The following JPH1 variants were observed in gnomAD, a reference collection of about 807,000 sequenced individuals.
The protein encoded by JPH1 is junctophilin-1.
A neutral mutation model predicts 53.6 loss-of-function variants in JPH1; 12 were observed. That is an observed-to-expected ratio of 0.22 (90% CI 0.14 to 0.36). The LOEUF is 0.36. Ranked by LOEUF, JPH1 falls within the 10% of genes least tolerant of loss-of-function variation. The probability of loss-of-function intolerance (pLI) is 1.00; values close to 1 mark genes in which losing one functional copy is unlikely to be tolerated. For missense variants in JPH1, 808 were observed against 905.5 expected (o/e 0.89, Z 1.38); for synonymous variants, 375 against 363.8 (o/e 1.03, Z -0.35).
intron 2 of JPH1, among the ~76,000 whole-genome samples, chr8:74,292,423 T>C (rs1362213246): frequency 6.6e-6 from 1 of 152,208 alleles, no homozygotes; most frequent in Non-Finnish European, 1.5e-5. Flanking sequence ...GAACTGCCAC[T>C]AATACACACT....
chr8:74,262,385 G>A (rs925587977), intron 2 of JPH1, among the ~76,000 whole-genome samples: 1 of 152,164 alleles, frequency 6.6e-6, no homozygotes, highest in Non-Finnish European at 1.5e-5. Flanking sequence ...AGTCAATTGC[G>A]ATTGTTCTTG....
intron 2 of JPH1, among the ~76,000 whole-genome samples, chr8:74,278,243 CTCTG>C (rs767550495): frequency 3.9e-5 from 6 of 151,996 alleles, no homozygotes; most frequent in Non-Finnish European, 8.8e-5. Context: ...CCTGCACAAG[CTCTG>C]TCTCTTTGTC....
intron 2 of JPH1, among the ~76,000 whole-genome samples, chr8:74,296,713 G>C (rs1807531922): frequency 6.6e-6 from 1 of 152,050 alleles, no homozygotes; most frequent in African/African-American, 2.4e-5. Context: ...TTTCTACCAA[G>C]AAATCCCTCT....
At chr8:74,269,675 C>A (rs1469057554) in intron 2 of JPH1, among the ~76,000 whole-genome samples, 1 of 152,238 alleles carries the variant, frequency 6.6e-6, no homozygotes, top group Non-Finnish European at 1.5e-5. Flanking sequence ...TGAGAGTCCA[C>A]ATGATCCCTC....
intron 5 of JPH1, 47 bp downstream of exon 5, chr8:74,237,161 G>A: frequency 8.0e-7 from 1 of 1,250,220 alleles, no homozygotes; most frequent in African/African-American, 1.5e-5. Context: ...TATGAGAAAA[G>A]AATGTTATTT....
At chr8:74,277,949 T>C (rs906378917) in intron 2 of JPH1, among the ~76,000 whole-genome samples, 20 of 152,348 alleles carry the variant, frequency 1.3e-4, no homozygotes, top group African/African-American at 4.6e-4. Context: ...GTTGCTTTTT[T>C]TGTTGTTGTT....
At chr8:74,271,142 G>A (rs1447511520) in intron 2 of JPH1, among the ~76,000 whole-genome samples, 4 of 132,754 alleles carry the variant, frequency 3.0e-5, no homozygotes, top group South Asian at 4.6e-4. Flanking sequence ...TCATTTCCAC[G>A]AGGCAGGAAT....
intron 4 of JPH1, among the ~76,000 whole-genome samples, chr8:74,243,766 T>A (rs1271977975): frequency 6.6e-6 from 1 of 152,208 alleles, no homozygotes; most frequent in African/African-American, 2.4e-5. Flanking sequence ...CATACATTAT[T>A]CAAAAAATCT....
intron 2 of JPH1, among the ~76,000 whole-genome samples, chr8:74,278,637 T>C (rs1282599099): frequency 6.6e-6 from 1 of 152,214 alleles, no homozygotes; most frequent in East Asian, 1.9e-4. Flanking sequence ...CAGTGTTGGC[T>C]TGGGTGATTG....
intron 1 of JPH1, among the ~76,000 whole-genome samples, chr8:74,319,564 T>C (rs1808255926): frequency 6.6e-6 from 1 of 152,246 alleles, no homozygotes. Flanking sequence ...ATTTATACTG[T>C]AGGATGAAAA....
intron 2 of JPH1, among the ~76,000 whole-genome samples, chr8:74,274,079 G>C (rs996961448): frequency 2.0e-5 from 3 of 152,194 alleles, no homozygotes; most frequent in African/African-American, 7.2e-5. Flanking sequence ...CACGGCAAAT[G>C]CATGTGGCAC....
At chr8:74,265,504 A>G (rs1030659466) in intron 2 of JPH1, among the ~76,000 whole-genome samples, 9 of 152,212 alleles carry the variant, frequency 5.9e-5, no homozygotes, top group South Asian at 2.1e-4. Context: ...AACTTATCTA[A>G]GACTTACCTT....
intron 4 of JPH1, among the ~76,000 whole-genome samples, chr8:74,240,484 TCCC>T (rs1472244401): frequency 6.6e-6 from 1 of 152,090 alleles, no homozygotes; most frequent in Non-Finnish European, 1.5e-5. Flanking sequence ...AATTTTTAGC[TCCC>T]ACAAATAAAT....
At position 74,315,538 on chromosome 8, in the gene JPH1, C is replaced by A. The variant is rs768187549; in HGVS notation, c.462G>T (p.Val154=). ...GCGAGGTACGCAGCGGTGAGCGGAT[C>A]ACCGTGGCCATGCCGTAGGGCACGC... The part of the protein sequence containing the change: ...RQSVPYGMAT[V]IRSPLRTSLA... Residue 154 remains valine, a synonymous_variant, in exon 2 of 6, where the codon GTG becomes GTT. Transcript: ENST00000342232. This position sits in a 1 kb window ranked among gnomAD's most constrained non-coding sequence, Gnocchi z 6.3. 7 of 1,605,870 alleles carry A rather than the reference C, an allele frequency of 4.4e-6. No individual in the cohort carries two copies. Among genetic ancestry groups the A allele is most frequent in the Non-Finnish European group, 5.9e-6 (7 of 1,177,932 alleles).
intron 2 of JPH1, among the ~76,000 whole-genome samples, chr8:74,304,594 G>C (rs1159099577): frequency 6.6e-6 from 1 of 152,058 alleles, no homozygotes; most frequent in Non-Finnish European, 1.5e-5. Flanking sequence ...CTAATGGATG[G>C]AAGGTTTGAA....
intron 4 of JPH1, among the ~76,000 whole-genome samples, chr8:74,242,977 TC>T (rs1805740546): frequency 6.6e-6 from 1 of 152,178 alleles, no homozygotes; most frequent in African/African-American, 2.4e-5. Context: ...AACTTTTTTT[TC>T]CCCCTATCAC....
Position 74,315,725 on chromosome 8 carries a change from C to G in JPH1, c.380-105G>C. ...CAGGCCTGCCCAAGGTCAAATCTGACCCATTTCCAAGTCAACCCTGGGGGA... is the reference window on the plus strand; with the variant it reads ...CAGGCCTGCCCAAGGTCAAATCTGAGCCATTTCCAAGTCAACCCTGGGGGA... On this transcript the variant is annotated intron_variant, in intron 1 of 5. Coordinates refer to ENST00000342232, the MANE Select transcript of JPH1 (RefSeq NM_020647.4). The surrounding 1 kb of genome is among the most constrained non-coding windows in gnomAD (Gnocchi z 6.3). The G allele has an allele frequency of 1.7e-6, 2 of 1,162,100 alleles. No homozygotes were observed. Among genetic ancestry groups the G allele is most frequent in the South Asian group, 1.7e-5 (1 of 58,510 alleles). 72.0% of individuals were successfully genotyped at this position (1,162,100 alleles called of 1,614,324 possible). A position where few individuals can be genotyped will look rare whatever the true frequency, so the allele number is the denominator to read the frequency against.
chr8:74,239,822 T>A (rs1005278796), intron 4 of JPH1, among the ~76,000 whole-genome samples: 1 of 152,208 alleles, frequency 6.6e-6, no homozygotes, highest in Non-Finnish European at 1.5e-5. Flanking sequence ...TTCTGGAGAT[T>A]TAAAAAATTT....
At chr8:74,309,486 T>A (rs1807928689) in intron 2 of JPH1, among the ~76,000 whole-genome samples, 1 of 152,220 alleles carries the variant, frequency 6.6e-6, no homozygotes, top group Admixed American at 6.5e-5. Flanking sequence ...TCTGCTTCTG[T>A]CCACACCTCT....
Sources: gnomAD v4.1 joint callset for allele counts (sites outside exome capture counted in the v4.1 genomes callset) on GRCh38, gnomAD v4.1.1 for gene constraint, Gnocchi (gnomAD v3.1) non-coding constraint, MANE v1.5 for transcripts, NCBI Gene and HGNC (gene_info 2026-07-23, HGNC 2026-07-21) for gene names.